Variants in PTPRD observed in about 807,000 individuals in gnomAD.
PTPRD encodes the protein receptor-type tyrosine-protein phosphatase delta.
Under a neutral mutation model 214.5 loss-of-function variants are expected in PTPRD, and 34 were observed. The observed-to-expected ratio is 0.16, with a 90% CI of 0.12 to 0.21. PTPRD has a LOEUF of 0.21. PTPRD is among the 10% of genes least tolerant of loss of function. PTPRD has a pLI of 1.00. For missense variants in PTPRD, 2,545 were observed against 2,398.7 expected (o/e 1.06, Z -1.27); for synonymous variants, 1,128 against 845.7 (o/e 1.33, Z -5.79).
At chr9:9,888,976 A>G (rs919969082) in intron 5 of PTPRD, among the ~76,000 whole-genome samples, 15 of 152,168 alleles carry the variant, frequency 9.9e-5, no homozygotes, top group Admixed American at 9.8e-4. Flanking sequence ...TGAAAAATAC[A>G]GAAGTTCTAG....
chr9:9,250,739 A>G (rs2099975135), intron 9 of PTPRD, among the ~76,000 whole-genome samples: 2 of 152,172 alleles, frequency 1.3e-5, no homozygotes, highest in Non-Finnish European at 2.9e-5. Flanking sequence ...GAAACAGCAA[A>G]AACCAAACCA....
intron 2 of PTPRD, among the ~76,000 whole-genome samples, chr9:10,608,192 A>G (rs995362447): frequency 6.6e-6 from 1 of 152,080 alleles, no homozygotes; most frequent in Non-Finnish European, 1.5e-5. Context: ...TAGCATACAT[A>G]GAGATTTCAG....
chr9:9,465,354 G>C (rs1405002092), intron 8 of PTPRD, among the ~76,000 whole-genome samples: 1 of 152,172 alleles, frequency 6.6e-6, no homozygotes, highest in African/African-American at 2.4e-5. Flanking sequence ...TAATGAATTT[G>C]CTTGAATCCC....
intron 11 of PTPRD, among the ~76,000 whole-genome samples, chr9:8,995,777 T>C (rs1260221410): frequency 6.6e-6 from 1 of 151,512 alleles, no homozygotes; most frequent in Non-Finnish European, 1.5e-5. Context: ...CTATTTAGGA[T>C]ACACAATACT....
At chr9:9,545,380 C>T (rs1409060734) in intron 8 of PTPRD, among the ~76,000 whole-genome samples, 1 of 151,784 alleles carries the variant, frequency 6.6e-6, no homozygotes. Flanking sequence ...TCTAGAATGT[C>T]ATATAGTTTG....
At chr9:9,816,177 T>G (rs1328119284) in intron 5 of PTPRD, among the ~76,000 whole-genome samples, 3 of 152,158 alleles carry the variant, frequency 2.0e-5, no homozygotes, top group African/African-American at 4.8e-5. Context: ...AAAATATTTG[T>G]TTTCTTGGCT....
intron 14 of PTPRD, among the ~76,000 whole-genome samples, chr9:8,630,787 G>C (rs1419161582): frequency 6.6e-6 from 1 of 151,864 alleles, no homozygotes; most frequent in Non-Finnish European, 1.5e-5. Flanking sequence ...AGCCAACTGA[G>C]AGACAGGAAA....
intron 2 of PTPRD, among the ~76,000 whole-genome samples, chr9:10,491,404 G>C (rs2040183362): frequency 6.6e-6 from 1 of 152,004 alleles, no homozygotes; most frequent in Non-Finnish European, 1.5e-5. Context: ...CTGAAGACAT[G>C]ACATTTTCTG....
chr9:10,595,400 G>T (rs573035320), intron 2 of PTPRD, among the ~76,000 whole-genome samples: 147 of 151,722 alleles, frequency 9.7e-4, no homozygotes, highest in African/African-American at 3.4e-3. Context: ...AAATAAGTTG[G>T]AAAAATCAGT....
At chr9:10,028,911 T>G (rs930751777) in intron 4 of PTPRD, among the ~76,000 whole-genome samples, 6 of 152,146 alleles carry the variant, frequency 3.9e-5, no homozygotes, top group Non-Finnish European at 8.8e-5. Flanking sequence ...GTCAGAGGTC[T>G]TCACAGCAAC....
In PTPRD at chr9:10,561,511, C is replaced by T. The variant is rs575347374; in HGVS notation, c.-600+50887G>A. On this transcript the variant is annotated intron_variant, in intron 2 of 45. Coordinates refer to ENST00000381196, the MANE Select transcript of PTPRD (RefSeq NM_002839.4). Reference sequence around the variant, plus strand: ...CTATTACCTAGAATACTGCATAGCACACATCAGTCTTTCAAAAAAAATTTG... The same window carrying T: ...CTATTACCTAGAATACTGCATAGCATACATCAGTCTTTCAAAAAAAATTTG... Among the ~76,000 whole-genome samples, 39 of 152,158 alleles carry T rather than the reference C, an allele frequency of 2.6e-4. No homozygotes were observed. The South Asian group carries it at 8.1e-3, about 32-fold the overall frequency.
chr9:8,879,726 A>G (rs1044264506), intron 11 of PTPRD, among the ~76,000 whole-genome samples: 2 of 152,310 alleles, frequency 1.3e-5, no homozygotes, highest in South Asian at 4.1e-4. Flanking sequence ...CATTTGGCAT[A>G]ACAATCTTGC....
chr9:8,666,527 TAGCAATAAAATTGA>T (rs2097173764), intron 12 of PTPRD, among the ~76,000 whole-genome samples: 1 of 152,234 alleles, frequency 6.6e-6, no homozygotes, highest in African/African-American at 2.4e-5. Flanking sequence ...CATAAAATTC[TAGCAATAAAATTGA>T]AGCCAAATAC....
intron 7 of PTPRD, among the ~76,000 whole-genome samples, chr9:9,663,440 C>A (rs966493086): frequency 1.3e-5 from 2 of 151,372 alleles, no homozygotes; most frequent in African/African-American, 4.8e-5. Flanking sequence ...GGTTTTAACA[C>A]AGAATTCAAC....
chr9:10,171,550 A>G (rs1161554072), intron 3 of PTPRD, among the ~76,000 whole-genome samples: 1 of 151,570 alleles, frequency 6.6e-6, no homozygotes, highest in Non-Finnish European at 1.5e-5. Context: ...TTTGAGACAG[A>G]CTCTCGCTCT....
intron 6 of PTPRD, among the ~76,000 whole-genome samples, chr9:9,753,453 C>A (rs762798823): frequency 6.6e-6 from 1 of 152,030 alleles, no homozygotes; most frequent in Non-Finnish European, 1.5e-5. Flanking sequence ...ACCCTTCAGG[C>A]TAAAGCACGC....
intron 7 of PTPRD, among the ~76,000 whole-genome samples, chr9:9,630,493 A>G (rs985491682): frequency 5.3e-5 from 8 of 152,212 alleles, no homozygotes; most frequent in Non-Finnish European, 1.0e-4. Flanking sequence ...AGGAAAGGAG[A>G]TAACAATTGA....
intron 9 of PTPRD, among the ~76,000 whole-genome samples, chr9:9,190,780 G>A (rs1458508196): frequency 1.3e-5 from 2 of 152,120 alleles, no homozygotes; most frequent in African/African-American, 2.4e-5. Context: ...GATAAGTGGT[G>A]TGATTGAGAA....
intron 3 of PTPRD, among the ~76,000 whole-genome samples, chr9:10,140,985 C>A (rs1284758281): frequency 6.6e-6 from 1 of 151,854 alleles, no homozygotes; most frequent in Non-Finnish European, 1.5e-5. Flanking sequence ...ATAAACAGAA[C>A]CAAAGACAAA....
Sources: gnomAD v4.1 joint callset for allele counts (sites outside exome capture counted in the v4.1 genomes callset) on GRCh38, gnomAD v4.1.1 for gene constraint, MANE v1.5 for transcripts, NCBI Gene and HGNC (gene_info 2026-07-23, HGNC 2026-07-21) for gene names.